Variants in ATP11A observed in about 807,000 individuals in gnomAD.
ATP11A encodes the protein ATPase phospholipid transporting 11A.
A neutral mutation model predicts 154.4 loss-of-function variants in ATP11A; 81 were observed. That is an observed-to-expected ratio of 0.52 (90% confidence interval 0.44 to 0.63). The LOEUF (loss-of-function observed/expected upper bound fraction) is 0.63, where lower values mean the gene tolerates loss of function less well. ATP11A is among the 30% of genes least tolerant of loss of function. ATP11A has a pLI of 0.00. For missense variants in ATP11A, 1,316 were observed against 1,474.3 expected (o/e 0.89, Z 1.76); for synonymous variants, 623 against 585.9 (o/e 1.06, Z -0.91).
intron 6 of ATP11A, among the ~76,000 whole-genome samples, chr13:112,818,617 G>A (rs1470175889): frequency 6.6e-6 from 1 of 152,166 alleles, no homozygotes; most frequent in Admixed American, 6.5e-5. Context: ...GCCTTCAGCC[G>A]ACCTGCTGGT....
intron 2 of ATP11A, among the ~76,000 whole-genome samples, chr13:112,797,197 C>G (rs1174847943): frequency 6.6e-6 from 1 of 151,058 alleles, no homozygotes; most frequent in Non-Finnish European, 1.5e-5. Context: ...GCACAAGAAT[C>G]CCTTGAAGCT....
intron 25 of ATP11A, among the ~76,000 whole-genome samples, chr13:112,865,540 T>A (rs1025069880): frequency 6.6e-6 from 1 of 152,168 alleles, no homozygotes; most frequent in Non-Finnish European, 1.5e-5. Flanking sequence ...CTGCTGAAGT[T>A]TTTTTTTGTT....
chr13:112,806,992 G>A (rs887611830), intron 4 of ATP11A, among the ~76,000 whole-genome samples: 3 of 152,150 alleles, frequency 2.0e-5, no homozygotes, highest in Admixed American at 6.5e-5. Flanking sequence ...AATGAGTCAC[G>A]GTCCCCTGCA....
At chr13:112,826,563 G>A in intron 11 of ATP11A, 131 bp from the exon 12 acceptor site, 2 of 766,784 alleles carry the variant, frequency 2.6e-6, no homozygotes, top group Non-Finnish European at 2.2e-6. Context: ...CTTGTCTTTG[G>A]ACTCTGAAAT....
intron 28 of ATP11A, 131 bp downstream of exon 28, chr13:112,876,072 G>C: frequency 9.7e-7 from 1 of 1,031,608 alleles, no homozygotes; most frequent in Non-Finnish European, 1.4e-6. Context: ...TATCACTAAT[G>C]AGTGTCCTGA....
intron 1 of ATP11A, among the ~76,000 whole-genome samples, chr13:112,703,982 T>A (rs1886869714): frequency 6.6e-6 from 1 of 152,204 alleles, no homozygotes; most frequent in Admixed American, 6.5e-5. Flanking sequence ...CATACTCTGT[T>A]CACCTGCGTG....
chr13:112,752,369 A>G (rs1439151866), intron 1 of ATP11A, among the ~76,000 whole-genome samples: 1 of 152,204 alleles, frequency 6.6e-6, no homozygotes, highest in African/African-American at 2.4e-5. Context: ...CAGGAGTGAC[A>G]TGCAGCGCCA....
Position 112,792,016 on chromosome 13 carries a change from C to T in ATP11A, c.162+6759C>T, listed in dbSNP as rs116172589. Among the ~76,000 whole-genome samples, 443 of 152,328 alleles carry T rather than the reference C, an allele frequency of 2.9e-3. 2 individuals are homozygous for T. The highest frequency in any genetic ancestry group is 0.01 in the African/African-American group (425 of 41,572). On this transcript the variant is annotated intron_variant, in intron 2 of 29. Coordinates refer to ENST00000375645, the MANE Select transcript of ATP11A (RefSeq NM_015205.3). Reference sequence around the variant, plus strand: ...GCACTTGGCCGCCTTTCATCTCAACCTCTGAGGACAGAAGGGGGCTCTCAA... The same window carrying T: ...GCACTTGGCCGCCTTTCATCTCAACTTCTGAGGACAGAAGGGGGCTCTCAA...
intron 20 of ATP11A, 22 bp downstream of exon 20, chr13:112,856,107 T>A: frequency 2.5e-6 from 4 of 1,601,492 alleles, no homozygotes; most frequent in Non-Finnish European, 3.4e-6. Flanking sequence ...CCGTCCTCGA[T>A]AGCTGGTGGT....
chr13:112,832,039 C>T (rs1319280767), intron 13 of ATP11A, among the ~76,000 whole-genome samples: 5 of 152,082 alleles, frequency 3.3e-5, no homozygotes, highest in Non-Finnish European at 7.4e-5. Context: ...CTCTCACACA[C>T]TCCCTGACAC....
intron 29 of ATP11A, chr13:112,880,788 C>G (rs1021986921): frequency 1.5e-5 from 17 of 1,151,332 alleles, no homozygotes; most frequent in East Asian, 6.6e-5. Flanking sequence ...CACACACATG[C>G]ATTTGCTGTC....
chr13:112,813,477 A>T (rs1236726114), intron 5 of ATP11A, among the ~76,000 whole-genome samples: 3 of 152,198 alleles, frequency 2.0e-5, no homozygotes, highest in Non-Finnish European at 1.5e-5. Flanking sequence ...GCGTTCCATG[A>T]TGGGGGCGTA....
At position 112,883,423 on chromosome 13, in the gene ATP11A, C is replaced by T. The variant is rs902555733; in HGVS notation, c.*1557C>T. On this transcript the variant is annotated 3_prime_UTR_variant, in exon 30 of 30. Transcript: ENST00000375645. ...GCACCACCAACGCTGGAGGAGGAGCCGGCCCTCACGCCCGCCCCGCGCCAC... is the reference window on the plus strand; with the variant it reads ...GCACCACCAACGCTGGAGGAGGAGCTGGCCCTCACGCCCGCCCCGCGCCAC... The T allele has an allele frequency of 5.2e-5, 20 of 385,152 alleles. No homozygotes were observed. Among genetic ancestry groups the T allele is most frequent in the Non-Finnish European group, 5.5e-5 (12 of 217,986 alleles). 23.9% of individuals were successfully genotyped at this position (385,152 alleles called of 1,614,324 possible).
chr13:112,787,937 T>C lies in ATP11A; in HGVS notation c.162+2680T>C, dbSNP rs12869272. Among the ~76,000 whole-genome samples, 107 of 131,318 alleles carry C rather than the reference T, an allele frequency of 8.1e-4. No individual in the cohort carries two copies. In the East Asian group the frequency reaches 0.016, roughly 20 times the overall value. 86.1% of individuals were successfully genotyped at this position (131,318 alleles called of 152,430 possible). ...TTGCGGAGACCTACTTAATTCACAC[T>C]GGGTGTCCTGATGCGTAGACTCCTG... On this transcript the variant is annotated intron_variant, in intron 2 of 29. Coordinates refer to ENST00000375645, the MANE Select transcript of ATP11A (RefSeq NM_015205.3).
intron 12 of ATP11A, among the ~76,000 whole-genome samples, chr13:112,827,200 C>T (rs2078956382): frequency 6.6e-6 from 1 of 152,218 alleles, no homozygotes; most frequent in Non-Finnish European, 1.5e-5. Context: ...TTGCACTCTG[C>T]TTCTGCACCT....
intron 25 of ATP11A, among the ~76,000 whole-genome samples, chr13:112,867,813 T>G (rs2080386963): frequency 2.0e-5 from 3 of 152,210 alleles, no homozygotes; most frequent in Admixed American, 2.0e-4. Flanking sequence ...ACAGCCCTCT[T>G]GGTCCTTACG....
At chr13:112,881,365 A>G in intron 29 of ATP11A, 14 of 1,037,218 alleles carry the variant, frequency 1.3e-5, no homozygotes, top group Non-Finnish European at 1.6e-5. Flanking sequence ...CCAGTACTAA[A>G]TCAACCCGGT....
intron 1 of ATP11A, among the ~76,000 whole-genome samples, chr13:112,702,214 C>T (rs898356547): frequency 1.3e-5 from 2 of 151,802 alleles, no homozygotes; most frequent in African/African-American, 4.8e-5. Flanking sequence ...GGCATCGTGG[C>T]GGGCACCTGT....
intron 1 of ATP11A, among the ~76,000 whole-genome samples, chr13:112,768,764 C>T (rs903066621): frequency 3.3e-5 from 5 of 152,150 alleles, no homozygotes; most frequent in South Asian, 2.1e-4. Flanking sequence ...TCGGTGTTCC[C>T]GCTGGGCTCG....
Sources: gnomAD v4.1 joint callset for allele counts (sites outside exome capture counted in the v4.1 genomes callset) on GRCh38, gnomAD v4.1.1 for gene constraint, MANE v1.5 for transcripts, NCBI Gene and HGNC (gene_info 2026-07-23, HGNC 2026-07-21) for gene names.